Variants in NRG1 observed in about 807,000 individuals in gnomAD.
NRG1 encodes the protein neuregulin 1, also known as pro-neuregulin-1, membrane-bound isoform.
Under a neutral mutation model 63.8 loss-of-function variants are expected in NRG1, and 18 were observed. The ratio of observed to expected loss-of-function variants is 0.28; its 90% CI spans 0.19 to 0.42. The LOEUF is 0.42. Among genes scored for constraint, NRG1 ranks in the 10% least tolerant of loss-of-function variants. The pLI is 1.00. For synonymous variants in NRG1, 302 were observed against 301.3 expected (o/e 1.00, Z -0.02); for missense variants, 762 against 814.7 (o/e 0.94, Z 0.79).
intron 1 of NRG1, among the ~76,000 whole-genome samples, chr8:32,357,931 A>G (rs1806672085): frequency 1.3e-5 from 2 of 152,190 alleles, no homozygotes; most frequent in African/African-American, 4.8e-5. Context: ...CATTTTCCCA[A>G]TATTCATTAG....
chr8:32,228,082 T>G (rs1383967), intron 1 of NRG1, among the ~76,000 whole-genome samples: 1 of 152,028 alleles, frequency 6.6e-6, no homozygotes, highest in Admixed American at 6.6e-5. Flanking sequence ...TTTTGTTTGT[T>G]TCTTTACTGC....
At chr8:32,397,036 G>T (rs914807781) in intron 1 of NRG1, among the ~76,000 whole-genome samples, 1 of 152,024 alleles carries the variant, frequency 6.6e-6, no homozygotes, top group Non-Finnish European at 1.5e-5. Flanking sequence ...CCACTTTCTC[G>T]CATCAAAGTC....
At chr8:32,138,442 A>G (rs7835014) in intron 1 of NRG1, among the ~76,000 whole-genome samples, 22,678 of 151,756 alleles carry the variant, frequency 0.15, 1,894 homozygotes, top group Middle Eastern at 0.25. Context: ...GCTGCCAATC[A>G]GAAGACAGCA....
intron 1 of NRG1, among the ~76,000 whole-genome samples, chr8:31,934,425 T>TC (rs1835127309): frequency 6.9e-6 from 1 of 145,424 alleles, no homozygotes. Flanking sequence ...GCTCTCTTTT[T>TC]TTTTTTTTTT....
chr8:31,850,431 ATGTGACC>A (rs1827102154), intron 1 of NRG1, among the ~76,000 whole-genome samples: 1 of 152,140 alleles, frequency 6.6e-6, no homozygotes, highest in African/African-American at 2.4e-5. Context: ...TGGTCAGGTT[ATGTGACC>A]TGAGGGTCCA....
intron 1 of NRG1, among the ~76,000 whole-genome samples, chr8:32,175,595 C>G (rs1473017115): frequency 6.6e-6 from 1 of 152,140 alleles, no homozygotes; most frequent in Non-Finnish European, 1.5e-5. Context: ...ATTGTCTCAG[C>G]CCAAAATCTC....
chr8:32,440,334 G>T (rs1819375474), intron 1 of NRG1, among the ~76,000 whole-genome samples: 1 of 151,940 alleles, frequency 6.6e-6, no homozygotes, highest in South Asian at 2.1e-4. Flanking sequence ...TTTTCTTTTT[G>T]GTAGATATGG....
intron 1 of NRG1, among the ~76,000 whole-genome samples, chr8:31,790,664 T>A (rs1372702417): frequency 6.6e-6 from 1 of 152,236 alleles, no homozygotes; most frequent in Non-Finnish European, 1.5e-5. Context: ...TGACTTCATT[T>A]CTTTGAGCTA....
intron 1 of NRG1, among the ~76,000 whole-genome samples, chr8:32,414,081 G>A (rs1307493742): frequency 6.6e-6 from 1 of 152,154 alleles, no homozygotes; most frequent in Non-Finnish European, 1.5e-5. Context: ...AGAGAAGGCT[G>A]TGAGGTAAGG....
At chr8:32,231,985 C>A (rs1847006234) in intron 1 of NRG1, among the ~76,000 whole-genome samples, 1 of 152,004 alleles carries the variant, frequency 6.6e-6, no homozygotes, top group Non-Finnish European at 1.5e-5. Flanking sequence ...CTCACTGCAG[C>A]CTCAACCTCC....
intron 1 of NRG1, among the ~76,000 whole-genome samples, chr8:31,925,565 A>G (rs1834292179): frequency 6.6e-6 from 1 of 151,964 alleles, no homozygotes; most frequent in Non-Finnish European, 1.5e-5. Flanking sequence ...TTTTATCTCA[A>G]TCTTTATCTC....
chr8:32,640,267 A>G (rs1021311881), intron 5 of NRG1, among the ~76,000 whole-genome samples: 5 of 151,682 alleles, frequency 3.3e-5, no homozygotes, highest in African/African-American at 1.2e-4. Flanking sequence ...ACACACACAC[A>G]CACACACGCA....
At chr8:32,372,155 A>C (rs1808973745) in intron 1 of NRG1, among the ~76,000 whole-genome samples, 1 of 151,738 alleles carries the variant, frequency 6.6e-6, no homozygotes, top group Admixed American at 6.6e-5. Flanking sequence ...TGCCAGGCTA[A>C]TTTTTGTATT....
chr8:32,274,554 C>T lies in NRG1; in HGVS notation c.38-321274C>T, dbSNP rs528528483. Among the ~76,000 whole-genome samples the T allele has an allele frequency of 3.9e-5, 6 of 152,270 alleles. No homozygotes were observed. The East Asian group carries it at 9.6e-4, about 24-fold the overall frequency. ...TTCCCTTTCTTTTCATTAACATTTA[C>T]AACACACACTTTACAGGGAAAGAAA... On this transcript the variant is annotated intron_variant, in intron 1 of 10. Coordinates refer to the NRG1 transcript ENST00000519301.
chr8:31,729,337 C>A (rs548048393), intron 1 of NRG1, among the ~76,000 whole-genome samples: 2 of 152,042 alleles, frequency 1.3e-5, no homozygotes, highest in South Asian at 4.2e-4. Context: ...GTATTATGCC[C>A]ACTCACATGT....
At chr8:32,707,914 A>G (rs1266699548) in intron 5 of NRG1, among the ~76,000 whole-genome samples, 2 of 133,980 alleles carry the variant, frequency 1.5e-5, no homozygotes, top group Admixed American at 8.1e-5. Flanking sequence ...CTGGCCTCAT[A>G]CCCCCATCAT....
intron 5 of NRG1, among the ~76,000 whole-genome samples, chr8:32,690,938 A>AGTGTGTGTGT (rs113081002): frequency 0.012 from 1,576 of 131,140 alleles, 38 homozygotes; most frequent in African/African-American, 0.039. Context: ...TTTCCCTCTC[A>AGTGTGTGTGT]GTGTGTGTGT....
chr8:31,665,530 G>C (rs1202256135), intron 1 of NRG1, among the ~76,000 whole-genome samples: 16 of 152,174 alleles, frequency 1.1e-4, no homozygotes, highest in Non-Finnish European at 1.5e-5. Context: ...GCCAAACTAT[G>C]TTTTAGAGAG....
chr8:32,690,186 A>AATT (rs1811204782), intron 5 of NRG1, among the ~76,000 whole-genome samples: 1 of 151,950 alleles, frequency 6.6e-6, no homozygotes, highest in African/African-American at 2.4e-5. Flanking sequence ...AAAGCACTTG[A>AATT]CTCTCTGTTT....
Sources: gnomAD v4.1 joint callset for allele counts (sites outside exome capture counted in the v4.1 genomes callset) on GRCh38, gnomAD v4.1.1 for gene constraint, MANE v1.5 for transcripts, NCBI Gene and HGNC (gene_info 2026-07-23, HGNC 2026-07-21) for gene names.